The following SREBF1 variants were observed in gnomAD, a reference collection of about 807,000 sequenced individuals.
SREBF1 encodes sterol regulatory element-binding protein 1.
SREBF1 carries 45 observed loss-of-function variants against 100.1 expected under a neutral mutation model. That is an observed-to-expected ratio of 0.45 (90% CI 0.35 to 0.58). SREBF1 has a LOEUF of 0.58. Among genes scored for constraint, SREBF1 ranks in the 20% least tolerant of loss-of-function variants. The pLI, the probability that SREBF1 is intolerant of heterozygous loss-of-function variation, is 0.00. For missense variants in SREBF1, 1,324 were observed against 1,539.4 expected, an observed-to-expected ratio of 0.86 and a Z score of 2.34; for synonymous variants, 657 against 681.8, an observed-to-expected ratio of 0.96 and a Z score of 0.57.
rs765741111 is a variant in SREBF1 at position 17,814,305 on chromosome 17, C to G, written c.2841G>C (p.Lys947Asn). 6.2e-7 allele frequency: 1 copy of G among 1,600,912 alleles called. No homozygotes were observed. The highest frequency in any genetic ancestry group is 1.7e-5 in the Admixed American group (1 of 58,512). ...GGCTGTCCTGCAGGTACCCACTGGC[C>G]TTCTCACAGATGGTCAGGCTGGCTG... ...SGPASLTICEKASGYLQDSLA... is the reference protein window; with the variant it reads ...SGPASLTICENASGYLQDSLA... The change falls in exon 16 of 19, where the codon AAG becomes AAC. Residue 947 changes from lysine to asparagine, a missense_variant. Physicochemically the swap from Lys to Asn is moderately conservative, Grantham distance 94. Transcript: ENST00000261646.
chr17:17,830,154 A>G (rs1228587544), intron 1 of SREBF1, among the ~76,000 whole-genome samples: 1 of 151,954 alleles, frequency 6.6e-6, no homozygotes, highest in Non-Finnish European at 1.5e-5. Flanking sequence ...AGCTAAACCT[A>G]TCGCGTGCCA....
Position 17,820,531 on chromosome 17 carries a change from G to T in SREBF1, c.92-10C>A, listed in dbSNP as rs755530742. The T allele has an allele frequency of 1.4e-6, 2 of 1,451,312 alleles. No individual in the cohort carries two copies. Among genetic ancestry groups the T allele is most frequent in the Non-Finnish European group, 1.9e-6 (2 of 1,043,664 alleles). The allele number at this position is 1,451,312 out of a possible 1,614,324, so 89.9% of individuals were successfully genotyped here. A position where few individuals can be genotyped will look rare whatever the true frequency, so the allele number is the denominator to read the frequency against. ...ATAAGCTGAAGCATGTCTGTGAAAA[G>T]GAGAAGAGGGTGCGTGAGTGAGGCA... is the stretch of plus-strand genomic sequence containing the variant. On this transcript the variant is annotated splice_polypyrimidine_tract_variant and intron_variant, in intron 1 of 18. Coordinates refer to ENST00000261646, the MANE Select transcript of SREBF1 (RefSeq NM_004176.5).
chr17:17,817,434 A>G lies in SREBF1; in HGVS notation c.1428T>C (p.Ser476=). Residue 476 remains serine (S), a synonymous_variant, in exon 8 of 19, where the codon TCT becomes TCC. Transcript: ENST00000261646. The surrounding 1 kb of genome is among the most constrained non-coding windows in gnomAD (Gnocchi z 6.6). ...DSKAKPEQRP[S]LHSRGMLDRS... ...GGTCCAGCATGCCCCGGCTGTGCAGAGACGGCCGCTGCTCTGGCTTTGCCT... is the reference window on the plus strand; with the variant it reads ...GGTCCAGCATGCCCCGGCTGTGCAGGGACGGCCGCTGCTCTGGCTTTGCCT... 1 of 1,589,876 alleles carries G rather than the reference A, an allele frequency of 6.3e-7. No individual in the cohort carries two copies. The highest frequency in any genetic ancestry group is 8.6e-7 in the Non-Finnish European group (1 of 1,168,230).
At chr17:17,827,663 G>A (rs1165367068) in intron 1 of SREBF1, among the ~76,000 whole-genome samples, 5 of 152,108 alleles carry the variant, frequency 3.3e-5, no homozygotes, top group Non-Finnish European at 7.4e-5. Context: ...GCACCTGGGC[G>A]CAGGTCCTCT....
intron 1 of SREBF1, among the ~76,000 whole-genome samples, chr17:17,827,108 G>A (rs183573218): frequency 6.6e-6 from 1 of 152,218 alleles, no homozygotes; most frequent in East Asian, 1.9e-4. Flanking sequence ...GAGGGCAGAA[G>A]AAACAGTGTG....
chr17:17,824,785 G>A lies in SREBF1; in HGVS notation c.92-4264C>T, dbSNP rs1003871903. Among the ~76,000 whole-genome samples the A allele has an allele frequency of 6.6e-6, 1 of 152,168 alleles. No homozygotes were observed. Among genetic ancestry groups the A allele is most frequent in the African/African-American group, 2.4e-5 (1 of 41,426 alleles). ...GACTCAGCAGTCCATTGGGGGCTGGGGTCCCTGCGGCCTCAACCTTGCTCT... is the reference window on the plus strand; with the variant it reads ...GACTCAGCAGTCCATTGGGGGCTGGAGTCCCTGCGGCCTCAACCTTGCTCT... On this transcript the variant is annotated intron_variant, in intron 1 of 18. Coordinates refer to ENST00000261646, the MANE Select transcript of SREBF1 (RefSeq NM_004176.5). The surrounding 1 kb of genome is among the most constrained non-coding windows in gnomAD (Gnocchi z 4.2).
intron 2 of SREBF1, 182 bp from the exon 3 acceptor site, chr17:17,819,907 G>T: frequency 8.6e-7 from 1 of 1,160,524 alleles, no homozygotes; most frequent in Non-Finnish European, 1.2e-6. Context: ...TCCAGTGCGA[G>T]GTTGCGCCTA....
At chr17:17,813,311 G>A in intron 18 of SREBF1, 57 bp downstream of exon 18, 10 of 1,499,760 alleles carry the variant, frequency 6.7e-6, no homozygotes, top group Non-Finnish European at 9.0e-6. Flanking sequence ...CACATCCCAT[G>A]TGCGCCCTTC....
In SREBF1 at chr17:17,813,464, C is replaced by T; in HGVS notation, c.3118G>A (p.Ala1040Thr). The T allele has an allele frequency of 6.2e-7, 1 of 1,602,506 alleles. No homozygotes were observed. The highest frequency in any genetic ancestry group is 1.3e-5 in the African/African-American group (1 of 74,856). Residue 1040 changes from alanine to threonine, a missense_variant, in exon 18 of 19, where the codon GCC (alanine) becomes ACC (threonine). By Grantham distance (58) the Ala-to-Thr change is moderately conservative. Transcript: ENST00000261646. ...GCCCCCGCCATCAGCCGGGCCGTGG[C>T]CTCATGTAGGAACACCTGGGGGCCA... ...PAMRRVFLHE[A>T]TARLMAGASP... is the part of the protein sequence containing the mutation.
In SREBF1 at chr17:17,811,541, G is replaced by C. The variant is rs375078029; in HGVS notation, c.*1081C>G. The C allele has an allele frequency of 2.2e-5, 7 of 312,348 alleles. No individual in the cohort carries two copies. The highest frequency in any genetic ancestry group is 4.3e-5 in the Non-Finnish European group (7 of 163,240). The allele number at this position is 312,348 out of a possible 1,614,324, so 19.3% of individuals were successfully genotyped here. A position where few individuals can be genotyped will look rare whatever the true frequency, so the allele number is the denominator to read the frequency against. On this transcript the variant is annotated 3_prime_UTR_variant, in exon 19 of 19. Transcript: ENST00000261646. ...ATGGGAATGAAGGGAGGGGCTGGGG[G>C]GGGGGGCATGAATGGAGTCAGGGAG...
rs745682611 is a variant in SREBF1 at position 17,814,653 on chromosome 17, C to G, written c.2697G>C (p.Pro899=). 3.0e-5 allele frequency: 46 copies of G among 1,556,948 alleles called. No homozygotes were observed. The highest frequency in any genetic ancestry group is 3.5e-5 in the Non-Finnish European group (41 of 1,155,774). ...GCACCCGGGGCAGGTGCTCCACCAG[C>G]GGGCACAGCCGCTCAGCCGCCTCCT... The part of the protein sequence containing the change: ...RDEEAAERLC[P]LVEHLPRVLQ... The change falls in exon 15 of 19, where the codon CCG becomes CCC. Residue 899 remains proline (P), a synonymous_variant. Coordinates refer to ENST00000261646, the MANE Select transcript of SREBF1 (RefSeq NM_004176.5).
intron 1 of SREBF1, among the ~76,000 whole-genome samples, chr17:17,827,968 C>G (rs372517024): frequency 3.9e-5 from 6 of 152,352 alleles, no homozygotes; most frequent in South Asian, 2.1e-4. Flanking sequence ...ACCACCCCCC[C>G]AGACCTATCC....
rs140127035 is a variant in SREBF1 at position 17,814,935 on chromosome 17, C to T, written c.2502G>A (p.Ser834=). The change falls in exon 14 of 19, where the codon TCG becomes TCA. Residue 834 remains serine, a synonymous_variant. Coordinates refer to ENST00000261646, the MANE Select transcript of SREBF1 (RefSeq NM_004176.5). ...GCAGCTGCAGGTACCCGAGGGCATC[C>T]GAGAATTCCCTGTGGAAGGAGAGAG... ...PGSADGDKEF[S]DALGYLQLLN... is the part of the protein sequence containing the mutation. 34 of 1,565,760 alleles carry T rather than the reference C, an allele frequency of 2.2e-5. No homozygotes were observed. In the African/African-American group the frequency reaches 3.5e-4, roughly 16 times the overall value.
chr17:17,820,466 T>C lies in SREBF1; in HGVS notation c.147A>G (p.Pro49=). The change falls in exon 2 of 19, where the codon CCA becomes CCG. Residue 49 remains proline (P), a synonymous_variant. Transcript: ENST00000261646. ...CCCCTGCCCCACTCCCAGCATAGGG[T>C]GGGTCAAATAGGCCAGGGAAGTCAC... The part of the protein sequence containing the change: ...QDSDFPGLFD[P]PYAGSGAGGT... The C allele has an allele frequency of 6.2e-7, 1 of 1,613,762 alleles. No homozygotes were observed. The highest frequency in any genetic ancestry group is 8.5e-7 in the Non-Finnish European group (1 of 1,179,926).
chr17:17,815,804 G>A, intron 12 of SREBF1, 56 bp downstream of exon 12: 1 of 1,554,338 alleles, frequency 6.4e-7, no homozygotes, highest in Non-Finnish European at 8.8e-7. Context: ...ACAAGGGACA[G>A]GACAGGAATG....
intron 1 of SREBF1, 74 bp downstream of exon 1, chr17:17,836,653 G>C: frequency 1.4e-6 from 2 of 1,448,346 alleles, no homozygotes; most frequent in South Asian, 1.2e-5. Flanking sequence ...GGGAGACAAA[G>C]GCCAGGGAGA....
In SREBF1 at chr17:17,819,539, G is replaced by A. The variant is rs528968412; in HGVS notation, c.710C>T (p.Pro237Leu). 6 of 1,613,540 alleles carry A rather than the reference G, an allele frequency of 3.7e-6. No individual in the cohort carries two copies. The highest frequency in any genetic ancestry group is 2.2e-5 in the East Asian group (1 of 44,880). ...CAACCCCTGGCCAGACCCCCTCACC[G>A]GGACCTGCTGGATCTGCGAGGTCAC... Reference protein sequence around the residue: ...TTVTSQIQQVPVLLQPHFIKA... With the variant: ...TTVTSQIQQVLVLLQPHFIKA... The change falls in exon 3 of 19, where the codon CCG (proline) becomes CTG (leucine). Residue 237 changes from proline (P) to leucine (L), a missense_variant and splice_region_variant. Coordinates refer to ENST00000261646, the MANE Select transcript of SREBF1 (RefSeq NM_004176.5).
Position 17,812,366 on chromosome 17 carries a change from G to T in SREBF1, c.*256C>A. 2 of 581,964 alleles carry T rather than the reference G, an allele frequency of 3.4e-6. No individual in the cohort carries two copies. Among genetic ancestry groups the T allele is most frequent in the Non-Finnish European group, 6.0e-6 (2 of 331,260 alleles). The allele number at this position is 581,964 out of a possible 1,614,324, so 36.1% of individuals were successfully genotyped here. On this transcript the variant is annotated 3_prime_UTR_variant, in exon 19 of 19. Coordinates refer to ENST00000261646, the MANE Select transcript of SREBF1 (RefSeq NM_004176.5). ...AAGGTGCCTGCAGAGCAAGGAGGGG[G>T]GCCCCCCAAAATGGCTCGGCCCCTG...
chr17:17,830,344 T>C (rs1341037147), intron 1 of SREBF1, among the ~76,000 whole-genome samples: 4 of 152,254 alleles, frequency 2.6e-5, no homozygotes, highest in Admixed American at 6.5e-5. Flanking sequence ...GTGATAATAA[T>C]AACACTAACT....
Sources: allele counts gnomAD v4.1 joint callset (sites outside exome capture counted in the v4.1 genomes callset), GRCh38; gene constraint gnomAD v4.1.1; non-coding constraint Gnocchi (gnomAD v3.1); transcripts MANE v1.5; gene names NCBI Gene and HGNC (gene_info 2026-07-23, HGNC 2026-07-21).